The following EFCAB6 variants were observed in gnomAD, a reference collection of about 807,000 sequenced individuals.
The protein encoded by EFCAB6 is EF-hand calcium-binding domain-containing protein 6.
Under a neutral mutation model 169.8 loss-of-function variants are expected in EFCAB6, and 156 were observed. The observed-to-expected ratio is 0.92, with a 90% confidence interval of 0.81 to 1.05. EFCAB6 has a LOEUF of 1.05. Ranked by LOEUF, EFCAB6 falls within the 50% of genes least tolerant of loss-of-function variation. The pLI is 0.00. For missense variants in EFCAB6, 1,800 were observed against 1,829.1 expected, an observed-to-expected ratio of 0.98 and a Z score of 0.29; for synonymous variants, 698 against 676.4, an observed-to-expected ratio of 1.03 and a Z score of -0.50.
chr22:43,580,375 G>A (rs983648935), intron 25 of EFCAB6, 89 bp downstream of exon 25: 1 of 1,402,574 alleles, frequency 7.1e-7, no homozygotes, highest in Non-Finnish European at 9.8e-7. Flanking sequence ...AGAATGAACA[G>A]AGGTGGGAGG....
At position 43,655,012 on chromosome 22, in the gene EFCAB6, C is replaced by T. The variant is rs2056665022; in HGVS notation, c.1983+12092G>A. 2.0e-5 allele frequency among the ~76,000 whole-genome samples: 3 copies of T among 152,268 alleles called. No homozygotes were observed. In the South Asian group the frequency reaches 6.2e-4, roughly 32 times the overall value. On this transcript the variant is annotated intron_variant, in intron 17 of 31. Transcript: ENST00000262726. Reference sequence around the variant, plus strand: ...GTGGCTCACACCTATAATCTTAGCACTTTGGGAGGCTGAGCCGAGCGGATC... The same window carrying T: ...GTGGCTCACACCTATAATCTTAGCATTTTGGGAGGCTGAGCCGAGCGGATC...
chr22:43,554,624 G>A (rs527619718), intron 27 of EFCAB6: 24 of 511,750 alleles, frequency 4.7e-5, no homozygotes, highest in African/African-American at 1.7e-4. Context: ...GAGCCGAAGC[G>A]GAGTTGAATT....
intron 2 of EFCAB6, among the ~76,000 whole-genome samples, chr22:43,800,045 G>A (rs1264274372): frequency 4.6e-5 from 7 of 152,170 alleles, no homozygotes; most frequent in African/African-American, 1.7e-4. Context: ...GGTAAAGAGG[G>A]GGAGGTGGGA....
At chr22:43,721,706 T>A (rs1299913511) in intron 8 of EFCAB6, among the ~76,000 whole-genome samples, 48 of 152,068 alleles carry the variant, frequency 3.2e-4, no homozygotes, top group Admixed American at 3.1e-3. Flanking sequence ...GAAGAATGAA[T>A]CTGGACCCTT....
At chr22:43,647,006 C>A (rs1460551355) in intron 17 of EFCAB6, among the ~76,000 whole-genome samples, 3 of 152,158 alleles carry the variant, frequency 2.0e-5, no homozygotes, top group Admixed American at 2.0e-4. Context: ...TGTTCATAGA[C>A]TGTAACAAAT....
intron 2 of EFCAB6, among the ~76,000 whole-genome samples, chr22:43,793,049 C>G (rs2062365159): frequency 6.6e-6 from 1 of 152,056 alleles, no homozygotes; most frequent in Non-Finnish European, 1.5e-5. Flanking sequence ...TAAGGCATGC[C>G]AGGGCTTTGG....
rs139662618 is a variant in EFCAB6 at position 43,667,238 on chromosome 22, T to C, written c.1849A>G (p.Lys617Glu). ...KLTEDKTTLT[K>E]KMTTEEVIEK... ...ATCACTTCTTCTGTGGTCATCTTCT[T>C]GGTCAGGGTGGTTTTATCCTCCGTG... Residue 617 changes from lysine to glutamate, a missense_variant, in exon 17 of 32, where the codon AAG becomes GAG. Lys to Glu is a moderately conservative substitution (Grantham distance 56). Transcript: ENST00000262726. 189 of 1,614,042 alleles carry C rather than the reference T, an allele frequency of 1.2e-4. No individual in the cohort carries two copies. Among genetic ancestry groups the C allele is most frequent in the Non-Finnish European group, 1.5e-4 (180 of 1,180,008 alleles).
intron 26 of EFCAB6, among the ~76,000 whole-genome samples, chr22:43,566,817 G>T (rs968816329): frequency 6.6e-6 from 1 of 151,390 alleles, no homozygotes; most frequent in Non-Finnish European, 1.5e-5. Flanking sequence ...GTTTTGAGAC[G>T]CCCACCCAGG....
Position 43,537,287 on chromosome 22 carries a change from C to T in EFCAB6, c.4048+90G>A. The T allele has an allele frequency of 1.3e-6, 2 of 1,499,812 alleles. No homozygotes were observed. The highest frequency in any genetic ancestry group is 1.8e-6 in the Non-Finnish European group (2 of 1,107,656). The allele number at this position is 1,499,812 out of a possible 1,614,324, so 92.9% of individuals were successfully genotyped here. A position where few individuals can be genotyped will look rare whatever the true frequency, so the allele number is the denominator to read the frequency against. On this transcript the variant is annotated intron_variant, in intron 29 of 31. Transcript: ENST00000262726. The surrounding 1 kb of genome is among the most constrained non-coding windows in gnomAD (Gnocchi z 4.3). Reference sequence around the variant, plus strand: ...TCCTGTTCTGCTGCTCCCTGGCCTCCACCCGGGGTGTGGCTTTGTACCCAG... The same window carrying T: ...TCCTGTTCTGCTGCTCCCTGGCCTCTACCCGGGGTGTGGCTTTGTACCCAG...
chr22:43,617,372 C>G (rs2053764848), intron 20 of EFCAB6, among the ~76,000 whole-genome samples: 1 of 152,222 alleles, frequency 6.6e-6, no homozygotes, highest in Non-Finnish European at 1.5e-5. Context: ...TCAGCAAAGT[C>G]AGTAGATCCC....
intron 11 of EFCAB6, 103 bp downstream of exon 11, chr22:43,687,368 G>A (rs751231364): frequency 1.5e-4 from 104 of 709,262 alleles, no homozygotes; most frequent in Middle Eastern, 4.1e-4. Flanking sequence ...GAGACTAATC[G>A]ATCATTCAAT....
At chr22:43,567,215 G>A (rs2049503497) in intron 26 of EFCAB6, among the ~76,000 whole-genome samples, 1 of 151,980 alleles carries the variant, frequency 6.6e-6, no homozygotes, top group Non-Finnish European at 1.5e-5. Flanking sequence ...CGTTCACAAA[G>A]GATCTATGCT....
At chr22:43,567,765 G>A (rs1323401270) in intron 26 of EFCAB6, among the ~76,000 whole-genome samples, 3 of 152,148 alleles carry the variant, frequency 2.0e-5, no homozygotes, top group African/African-American at 7.2e-5. Flanking sequence ...CAGGCACTGA[G>A]CTGGGCAACA....
intron 17 of EFCAB6, among the ~76,000 whole-genome samples, chr22:43,650,399 T>C (rs1034595904): frequency 1.3e-5 from 2 of 152,206 alleles, no homozygotes; most frequent in Non-Finnish European, 2.9e-5. Flanking sequence ...CCATGTAAGA[T>C]GAGACTTCCT....
At chr22:43,710,077 T>G (rs981557236) in intron 10 of EFCAB6, among the ~76,000 whole-genome samples, 3 of 152,222 alleles carry the variant, frequency 2.0e-5, no homozygotes, top group Non-Finnish European at 2.9e-5. Flanking sequence ...TCCATTAGCT[T>G]CTACTCTATT....
At chr22:43,669,699 C>G (rs1211894042) in intron 15 of EFCAB6, among the ~76,000 whole-genome samples, 1 of 152,076 alleles carries the variant, frequency 6.6e-6, no homozygotes, top group Admixed American at 6.5e-5. Flanking sequence ...CATATTGTAT[C>G]ATTTAAATGT....
At chr22:43,565,237 G>A (rs1015921986) in intron 26 of EFCAB6, among the ~76,000 whole-genome samples, 1 of 152,226 alleles carries the variant, frequency 6.6e-6, no homozygotes, top group Non-Finnish European at 1.5e-5. Context: ...GGAGGAGAAT[G>A]ACAGAGATGA....
chr22:43,641,428 C>T (rs576863143), intron 17 of EFCAB6, among the ~76,000 whole-genome samples: 4 of 152,170 alleles, frequency 2.6e-5, no homozygotes, highest in South Asian at 4.2e-4. Flanking sequence ...CCAGTCTGGC[C>T]AACATGGTGA....
chr22:43,636,573 A>G (rs1192681159), intron 17 of EFCAB6, among the ~76,000 whole-genome samples: 1 of 150,926 alleles, frequency 6.6e-6, no homozygotes, highest in African/African-American at 2.5e-5. Flanking sequence ...ATATGAATAG[A>G]AAGTGGCAGA....
Sources: gnomAD v4.1 joint callset for allele counts (sites outside exome capture counted in the v4.1 genomes callset) on GRCh38, gnomAD v4.1.1 for gene constraint, Gnocchi (gnomAD v3.1) non-coding constraint, MANE v1.5 for transcripts, NCBI Gene and HGNC (gene_info 2026-07-23, HGNC 2026-07-21) for gene names.